AFF3: variants seen among roughly 807,000 people sequenced by gnomAD.
AFF3 encodes the protein AF4/FMR2 family member 3.
Under a neutral mutation model 129.7 loss-of-function variants are expected in AFF3, and 32 were observed. The ratio of observed to expected loss-of-function variants is 0.25; its 90% CI spans 0.19 to 0.33. AFF3 has a LOEUF of 0.33. Among genes scored for constraint, AFF3 ranks in the 10% least tolerant of loss-of-function variants. AFF3 has a pLI of 1.00. For synonymous variants in AFF3, 644 were observed against 635.4 expected (o/e 1.01, Z -0.20); for missense variants, 1,373 against 1,592.0 (o/e 0.86, Z 2.34).
chr2:99,653,256 CT>C (rs1685440339), intron 12 of AFF3, among the ~76,000 whole-genome samples: 1 of 152,228 alleles, frequency 6.6e-6, no homozygotes, highest in African/African-American at 2.4e-5. Context: ...TTAGTATTGT[CT>C]CTTAACATCA....
chr2:99,946,753 A>G (rs76816725), intron 7 of AFF3, among the ~76,000 whole-genome samples: 3,023 of 152,362 alleles, frequency 0.02, 109 homozygotes, highest in African/African-American at 0.069. Context: ...AGGAAACAAC[A>G]GTACCAAGAG....
At chr2:99,761,707 C>T (rs1682611648) in intron 8 of AFF3, among the ~76,000 whole-genome samples, 1 of 152,202 alleles carries the variant, frequency 6.6e-6, no homozygotes, top group Non-Finnish European at 1.5e-5. Context: ...AAAATTTAAG[C>T]CATGTTTTCA....
chr2:99,991,548 T>C (rs1434117392), intron 7 of AFF3, among the ~76,000 whole-genome samples: 1 of 152,230 alleles, frequency 6.6e-6, no homozygotes, highest in African/African-American at 2.4e-5. Flanking sequence ...GAGAATCTTA[T>C]TGTGATGTAT....
chr2:99,565,646 T>A lies in AFF3; in HGVS notation c.2983-23A>T, dbSNP rs1407868548. On this transcript the variant is annotated intron_variant, in intron 19 of 24. Coordinates refer to ENST00000672756, the MANE Select transcript of AFF3 (RefSeq NM_001386135.1). ...CACCTGATCAACAGAGTTAATACAG[T>A]GTCTTCCTAAACAATAGTTTTTTTT... 51 of 1,602,580 alleles carry A rather than the reference T, an allele frequency of 3.2e-5. No homozygotes were observed. The Admixed American group carries it at 8.5e-4, about 27-fold the overall frequency.
At chr2:99,694,187 C>G (rs183919108) in intron 11 of AFF3, among the ~76,000 whole-genome samples, 2 of 151,480 alleles carry the variant, frequency 1.3e-5, no homozygotes, top group Non-Finnish European at 3.0e-5. Flanking sequence ...TGTGAGCCAC[C>G]GCGTCTGGCC....
chr2:99,625,437 T>C (rs1248006914), intron 13 of AFF3, among the ~76,000 whole-genome samples: 1 of 152,174 alleles, frequency 6.6e-6, no homozygotes, highest in Non-Finnish European at 1.5e-5. Context: ...CATAAAGATG[T>C]GTGGTGCTGA....
intron 4 of AFF3, among the ~76,000 whole-genome samples, chr2:100,033,569 C>G (rs1033922019): frequency 3.9e-5 from 6 of 152,070 alleles, no homozygotes; most frequent in African/African-American, 1.4e-4. Flanking sequence ...CACAGAGTAC[C>G]TAATTGTAAC....
chr2:99,946,208 C>A (rs1361642900), intron 7 of AFF3, among the ~76,000 whole-genome samples: 1 of 151,750 alleles, frequency 6.6e-6, no homozygotes, highest in Non-Finnish European at 1.5e-5. Flanking sequence ...TGTGGTGGCT[C>A]ATGCCTGTAA....
chr2:99,633,554 G>A (rs1173858149), intron 13 of AFF3, among the ~76,000 whole-genome samples: 1 of 152,178 alleles, frequency 6.6e-6, no homozygotes, highest in African/African-American at 2.4e-5. Flanking sequence ...AACCAGCATT[G>A]GAGTTTGAGC....
chr2:99,785,534 C>T (rs1010755683), intron 8 of AFF3, among the ~76,000 whole-genome samples: 51 of 152,192 alleles, frequency 3.4e-4, no homozygotes, highest in African/African-American at 1.2e-3. Context: ...AATCTCATCA[C>T]AGGTTCTACA....
Position 99,914,063 on chromosome 2 carries a change from G to A in AFF3, c.874-76539C>T, listed in dbSNP as rs538684178. Among the ~76,000 whole-genome samples, 16 of 152,262 alleles carry A rather than the reference G, an allele frequency of 1.1e-4. No individual in the cohort carries two copies. The South Asian group carries it at 3.1e-3, about 30-fold the overall frequency. ...TAAAAGTAATGTCTGAGAGCTTGAT[G>A]AAAAGATGTCTACACGGTCTCAAAA... On this transcript the variant is annotated intron_variant, in intron 7 of 24. Transcript: ENST00000672756.
intron 10 of AFF3, among the ~76,000 whole-genome samples, chr2:99,741,611 G>C (rs1473793401): frequency 1.3e-5 from 2 of 152,126 alleles, no homozygotes; most frequent in Non-Finnish European, 2.9e-5. Flanking sequence ...TCATGGGTAG[G>C]AAGAATCAAT....
chr2:99,617,831 T>C (rs1681590304), intron 13 of AFF3, among the ~76,000 whole-genome samples: 1 of 152,194 alleles, frequency 6.6e-6, no homozygotes, highest in African/African-American at 2.4e-5. Context: ...GCTACAGTTA[T>C]GTCTACAGAA....
chr2:99,697,291 G>A (rs77054404), intron 11 of AFF3, among the ~76,000 whole-genome samples: 1 of 152,356 alleles, frequency 6.6e-6, no homozygotes, highest in African/African-American at 2.4e-5. Flanking sequence ...CAGGTGGGGC[G>A]AGATGGCCTT....
intron 13 of AFF3, among the ~76,000 whole-genome samples, chr2:99,639,530 C>T (rs987537608): frequency 5.9e-5 from 9 of 152,186 alleles, no homozygotes; most frequent in African/African-American, 1.9e-4. Context: ...AGTTCTCTGC[C>T]AGGGCTCCCC....
intron 8 of AFF3, among the ~76,000 whole-genome samples, chr2:99,757,772 C>T (rs1258047576): frequency 6.6e-6 from 1 of 152,212 alleles, no homozygotes; most frequent in Non-Finnish European, 1.5e-5. Context: ...TCCCAACCTC[C>T]TATTGTTTGC....
intron 8 of AFF3, among the ~76,000 whole-genome samples, chr2:99,828,599 A>G (rs2105740740): frequency 6.6e-6 from 1 of 152,352 alleles, no homozygotes; most frequent in African/African-American, 2.4e-5. Context: ...CAGTATAACG[A>G]TCCCAGCCAC....
At chr2:99,867,576 T>TTA (rs1356826463) in intron 7 of AFF3, among the ~76,000 whole-genome samples, 5 of 141,356 alleles carry the variant, frequency 3.5e-5, no homozygotes, top group African/African-American at 1.3e-4. Context: ...ATTTCTATAT[T>TTA]AAAAAAAAAA....
At chr2:99,615,450 T>C (rs946498730) in intron 13 of AFF3, among the ~76,000 whole-genome samples, 2 of 152,344 alleles carry the variant, frequency 1.3e-5, no homozygotes, top group East Asian at 1.9e-4. Context: ...GTGGTACCAC[T>C]AGAGACACTG....
Sources: allele counts gnomAD v4.1 joint callset (sites outside exome capture counted in the v4.1 genomes callset), GRCh38; gene constraint gnomAD v4.1.1; transcripts MANE v1.5; gene names NCBI Gene and HGNC (gene_info 2026-07-23, HGNC 2026-07-21).